Variants in PRKAB2 observed in about 807,000 individuals in gnomAD.
The protein encoded by PRKAB2 is protein kinase AMP-activated non-catalytic subunit beta 2, also known as 5'-AMP-activated protein kinase subunit beta-2.
In PRKAB2, 18 loss-of-function variants were observed where a neutral mutation model predicts 29.8. The ratio of observed to expected loss-of-function variants is 0.60; its 90% CI spans 0.42 to 0.89. The LOEUF (loss-of-function observed/expected upper bound fraction) is 0.89. Among genes scored for constraint, PRKAB2 ranks in the 40% least tolerant of loss-of-function variants. The pLI, the probability that PRKAB2 is intolerant of heterozygous loss-of-function variation, is 0.00. For synonymous variants in PRKAB2, 136 were observed against 125.9 expected, an observed-to-expected ratio of 1.08 and a Z score of -0.54; for missense variants, 270 against 344.3, an observed-to-expected ratio of 0.78 and a Z score of 1.71.
At chr1:147,166,422 T>C (rs931614875) in intron 5 of PRKAB2, 76 bp downstream of exon 5, 3 of 1,499,884 alleles carry the variant, frequency 2.0e-6, no homozygotes, top group Non-Finnish European at 2.7e-6. Flanking sequence ...TCTATATGTA[T>C]ATACACACAT....
rs587615620 is a variant in PRKAB2, at chr1:147,159,697, T to G, written c.742-55A>C. ...TTCATTACTTCAGACAGTAGGTAGC[T>G]CTTCCCAGTCATCAGTCCTTCACAG... On this transcript the variant is annotated intron_variant, in intron 7 of 7. Transcript: ENST00000254101. 2.6e-5 allele frequency: 39 copies of G among 1,477,046 alleles called. 1 individual carries two copies. In the South Asian group the frequency reaches 3.6e-4, roughly 14 times the overall value. 91.5% of individuals were successfully genotyped at this position (1,477,046 alleles called of 1,614,324 possible).
intron 1 of PRKAB2, 103 bp downstream of exon 1, chr1:147,172,326 C>T (rs1421103588): frequency 1.4e-5 from 11 of 808,164 alleles, no homozygotes; most frequent in Non-Finnish European, 2.0e-5. Flanking sequence ...GGAACGCCTG[C>T]AAATACCCCG....
rs1553912507 is a variant in PRKAB2, at chr1:147,156,940, T to C, written c.*2625A>G. 6.6e-6 allele frequency: 1 copy of C among 152,144 alleles called. No individual in the cohort carries two copies. The highest frequency in any genetic ancestry group is 1.5e-5 in the Non-Finnish European group (1 of 68,010). 9.4% of individuals were successfully genotyped at this position (152,144 alleles called of 1,614,324 possible). A position where few individuals can be genotyped will look rare whatever the true frequency, so the allele number is the denominator to read the frequency against. ...CTTTATTCTATTATTACTTCTCAGC[T>C]CAGTCACTCTTCTCTTCCCCACAAT... On this transcript the variant is annotated 3_prime_UTR_variant, in exon 8 of 8. Transcript: ENST00000254101.
chr1:147,158,453 T>C lies in PRKAB2; in HGVS notation c.*1112A>G, dbSNP rs1306958259. 6.6e-6 allele frequency: 1 copy of C among 152,142 alleles called. No homozygotes were observed. The highest frequency in any genetic ancestry group is 1.5e-5 in the Non-Finnish European group (1 of 68,024). The allele number at this position is 152,142 out of a possible 1,614,324, so 9.4% of individuals were successfully genotyped here. A position where few individuals can be genotyped will look rare whatever the true frequency, so the allele number is the denominator to read the frequency against. ...GTGATGTGTACAGGGTTGGCCATATTAATCTAAGAATGTGGAAGGCTAGAC... is the reference window on the plus strand; with the variant it reads ...GTGATGTGTACAGGGTTGGCCATATCAATCTAAGAATGTGGAAGGCTAGAC... On this transcript the variant is annotated 3_prime_UTR_variant, in exon 8 of 8. Coordinates refer to ENST00000254101, the MANE Select transcript of PRKAB2 (RefSeq NM_005399.5).
intron 5 of PRKAB2, among the ~76,000 whole-genome samples, chr1:147,165,643 A>G (rs1270157860): frequency 6.6e-6 from 1 of 152,206 alleles, no homozygotes; most frequent in Non-Finnish European, 1.5e-5. Flanking sequence ...CTCTGATACT[A>G]TAGCAATTGT....
Position 147,158,104 on chromosome 1 carries a change from C to T in PRKAB2, c.*1461G>A, listed in dbSNP as rs974252708. On this transcript the variant is annotated 3_prime_UTR_variant, in exon 8 of 8. Transcript: ENST00000254101. ...GCCTCCTTTAGTGTTGATTATTTGACTTATCTGCAAAATGGAAGAGCCCCA... is the reference window on the plus strand; with the variant it reads ...GCCTCCTTTAGTGTTGATTATTTGATTTATCTGCAAAATGGAAGAGCCCCA... 6.6e-6 allele frequency: 1 copy of T among 152,038 alleles called. No individual in the cohort carries two copies. Among genetic ancestry groups the T allele is most frequent in the African/African-American group, 2.4e-5 (1 of 41,376 alleles). 9.4% of individuals were successfully genotyped at this position (152,038 alleles called of 1,614,324 possible).
Position 147,159,607 on chromosome 1 carries a change from G to A in PRKAB2, c.777C>T (p.Tyr259=). 1 of 1,613,504 alleles carries A rather than the reference G, an allele frequency of 6.2e-7. No individual in the cohort carries two copies. The highest frequency in any genetic ancestry group is 8.5e-7 in the Non-Finnish European group (1 of 1,179,688). ...SVMVLSATHR[Y]KKKYVTTLLY... is the part of the protein sequence containing the mutation. ...GCAGAGTAGTAACATACTTCTTCTT[G>A]TAGCGATGGGTTGCGCTAAGGACCA... The change falls in exon 8 of 8, where the codon TAC becomes TAT. Residue 259 remains tyrosine (Y), a synonymous_variant. Transcript: ENST00000254101.
In PRKAB2 at chr1:147,157,166, T is replaced by C. The variant is rs1653715120; in HGVS notation, c.*2399A>G. On this transcript the variant is annotated 3_prime_UTR_variant, in exon 8 of 8. Transcript: ENST00000254101. ...CCTTTAACTAATCAATATACAATGA[T>C]AAATGAGTAGTACTTTGGGTTACTT... 2 of 152,170 alleles carry C rather than the reference T, an allele frequency of 1.3e-5. No homozygotes were observed. Among genetic ancestry groups the C allele is most frequent in the South Asian group, 4.1e-4 (2 of 4,834 alleles). The allele number at this position is 152,170 out of a possible 1,614,324, so 9.4% of individuals were successfully genotyped here.
chr1:147,159,090 G>GC lies in PRKAB2; in HGVS notation c.*474dup, dbSNP rs1653817302. 1.3e-5 allele frequency: 2 copies of GC among 158,494 alleles called. No individual in the cohort carries two copies. Among genetic ancestry groups the GC allele is most frequent in the Admixed American group, 1.2e-4 (2 of 16,686 alleles). 9.8% of individuals were successfully genotyped at this position (158,494 alleles called of 1,614,324 possible). On this transcript the variant is annotated 3_prime_UTR_variant, in exon 8 of 8. Transcript: ENST00000254101. Reference sequence around the variant, plus strand: ...TACTCTGGGAATATAGAGAACCCATGCAAGAAAAACTGCCCTTGCAATGAG... The same window carrying GC: ...TACTCTGGGAATATAGAGAACCCATGCCAAGAAAAACTGCCCTTGCAATGAG...
In PRKAB2 at chr1:147,166,885, C is replaced by A. The variant is rs782448525; in HGVS notation, c.378G>T (p.Lys126Asn). The A allele has an allele frequency of 4.3e-6, 7 of 1,613,970 alleles. No individual in the cohort carries two copies. Among genetic ancestry groups the A allele is most frequent in the Non-Finnish European group, 5.9e-6 (7 of 1,179,986 alleles). Residue 126 changes from lysine to asparagine, a missense_variant, in exon 4 of 8, where the codon AAG becomes AAT. Around this residue, in one of 2 missense-constraint regions of PRKAB2, gnomAD observed 228 missense variants for 255.5 expected, o/e 0.89. Coordinates refer to ENST00000254101, the MANE Select transcript of PRKAB2 (RefSeq NM_005399.5). ...GAACCCACTGTCCATCCACAAAGAA[C>A]TTGTATTGGTGCTCTCCCTCAGGGA... ...LDLPEGEHQY[K>N]FFVDGQWVHD...
In PRKAB2 at chr1:147,162,896, T is replaced by C. The variant is rs142304376; in HGVS notation, c.539-323A>G. Among the ~76,000 whole-genome samples, 66 of 152,340 alleles carry C rather than the reference T, an allele frequency of 4.3e-4. No homozygotes were observed. In the East Asian group the frequency reaches 0.011, roughly 24 times the overall value. ...GAATCCCTCCACAATGGTCAGTTTC[T>C]TTATAAAATAAAAATAATCTTTGCC... On this transcript the variant is annotated intron_variant, in intron 5 of 7. Coordinates refer to ENST00000254101, the MANE Select transcript of PRKAB2 (RefSeq NM_005399.5).
In PRKAB2 at chr1:147,167,929, G is replaced by C. The variant is rs1185974915; in HGVS notation, c.161C>G (p.Pro54Arg). Residue 54 changes from proline (P) to arginine (R), a missense_variant, in exon 3 of 8, where the codon CCT becomes CGT. Around this residue, in one of 2 missense-constraint regions of PRKAB2, gnomAD observed 228 missense variants for 255.5 expected, o/e 0.89. Transcript: ENST00000254101. The part of the protein sequence containing the change: ...SVFSLPDSKL[P>R]GDKEFVSWQQ... ...CCATGATACAAACTCTTTGTCCCCA[G>C]GGAGCTGTAAGAAGGAGTAGGTCAT... 18 of 1,611,280 alleles carry C rather than the reference G, an allele frequency of 1.1e-5. No homozygotes were observed. The highest frequency in any genetic ancestry group is 1.4e-5 in the Non-Finnish European group (17 of 1,178,928).
Position 147,167,950 on chromosome 1 carries a change from G to C in PRKAB2, c.157-17C>G. ...CCCAGGGAGCTGTAAGAAGGAGTAG[G>C]TCATCCCTAGAATAAACTGTGACCC... On this transcript the variant is annotated splice_polypyrimidine_tract_variant and intron_variant, in intron 2 of 7. Coordinates refer to ENST00000254101, the MANE Select transcript of PRKAB2 (RefSeq NM_005399.5). 1 of 1,603,948 alleles carries C rather than the reference G, an allele frequency of 6.2e-7. No homozygotes were observed. The highest frequency in any genetic ancestry group is 8.5e-7 in the Non-Finnish European group (1 of 1,175,512).
At chr1:147,161,299 T>C (rs782371848) in intron 7 of PRKAB2, among the ~76,000 whole-genome samples, 1 of 152,110 alleles carries the variant, frequency 6.6e-6, no homozygotes, top group African/African-American at 2.4e-5. Flanking sequence ...CCTGAGTATA[T>C]ATGAATGAGG....
Position 147,172,029 on chromosome 1 carries a change from C to T in PRKAB2, c.116G>A (p.Ser39Asn), listed in dbSNP as rs1553914490. 6.3e-7 allele frequency: 1 copy of T among 1,596,656 alleles called. No individual in the cohort carries two copies. Among genetic ancestry groups the T allele is most frequent in the Admixed American group, 1.7e-5 (1 of 58,352 alleles). Residue 39 changes from serine to asparagine, a missense_variant, in exon 2 of 8, where the codon AGT (serine) becomes AAT (asparagine). This residue lies in a region of PRKAB2 where 228 missense variants were observed against 255.5 expected (regional missense o/e 0.89). Transcript: ENST00000254101. ...PGKEHKIMVG[S>N]TDDPSVFSLP... ...GCTGAACACGCTGGGGTCGTCCGTACTCCCCACCATGATCTTGTGCTCCTT... is the reference window on the plus strand; with the variant it reads ...GCTGAACACGCTGGGGTCGTCCGTATTCCCCACCATGATCTTGTGCTCCTT...
Position 147,157,425 on chromosome 1 carries a change from C to A in PRKAB2, c.*2140G>T, listed in dbSNP as rs1228847417. 1.3e-5 allele frequency: 2 copies of A among 152,086 alleles called. No homozygotes were observed. The highest frequency in any genetic ancestry group is 2.9e-5 in the Non-Finnish European group (2 of 68,010). The allele number at this position is 152,086 out of a possible 1,614,324, so 9.4% of individuals were successfully genotyped here. On this transcript the variant is annotated 3_prime_UTR_variant, in exon 8 of 8. Coordinates refer to ENST00000254101, the MANE Select transcript of PRKAB2 (RefSeq NM_005399.5). ...TTTCCAGAGAGAAAGATCTGAAGAT[C>A]ACTAGCATCAAAACCTACTGTCACA...
At chr1:147,167,411 C>A (rs375142967) in intron 3 of PRKAB2, among the ~76,000 whole-genome samples, 6 of 152,140 alleles carry the variant, frequency 3.9e-5, no homozygotes, top group African/African-American at 1.4e-4. Context: ...AACATGACTA[C>A]CTAAAAATTC....
chr1:147,168,585 A>T (rs1654364146), intron 2 of PRKAB2, among the ~76,000 whole-genome samples: 1 of 152,240 alleles, frequency 6.6e-6, no homozygotes, highest in Non-Finnish European at 1.5e-5. Context: ...AGGAATAAAA[A>T]TTCTAGAACC....
chr1:147,171,686 T>C (rs72708504), intron 2 of PRKAB2, among the ~76,000 whole-genome samples: 5,594 of 152,236 alleles, frequency 0.037, 145 homozygotes, highest in South Asian at 0.095. Flanking sequence ...AGCAACGCTA[T>C]GGAAGAGAGC....
Sources: gnomAD v4.1 joint callset for allele counts (sites outside exome capture counted in the v4.1 genomes callset) on GRCh38, gnomAD v4.1.1 for gene constraint, gnomAD v4.1.1 regional missense constraint, MANE v1.5 for transcripts, NCBI Gene and HGNC (gene_info 2026-07-23, HGNC 2026-07-21) for gene names.